The following TFPI variants were observed in gnomAD, a reference collection of about 807,000 sequenced individuals.
TFPI encodes the protein anti-convertin.
TFPI carries 15 observed loss-of-function variants against 34.6 expected under a neutral mutation model. The ratio of observed to expected loss-of-function variants is 0.43; its 90% confidence interval spans 0.29 to 0.67. The LOEUF is 0.67. TFPI is among the 30% of genes least tolerant of loss of function. The pLI, the probability that TFPI is intolerant of heterozygous loss-of-function variation, is 0.15. For synonymous variants in TFPI, 105 were observed against 120.1 expected (o/e 0.87, Z 0.82); for missense variants, 301 against 364.0 (o/e 0.83, Z 1.41).
At chr2:187,478,576 T>C (rs1234525141) in intron 6 of TFPI, 3 of 1,429,626 alleles carry the variant, frequency 2.1e-6, no homozygotes, top group Non-Finnish European at 2.8e-6. Context: ...GAGAAGACTA[T>C]GTTTACTATG....
At chr2:187,508,268 T>C (rs1301337687) in intron 1 of TFPI, among the ~76,000 whole-genome samples, 1 of 152,214 alleles carries the variant, frequency 6.6e-6, no homozygotes, top group African/African-American at 2.4e-5. Context: ...TTGCTCTTTT[T>C]GCTTAGGATT....
intron 3 of TFPI, among the ~76,000 whole-genome samples, chr2:187,489,236 G>A (rs1039106431): frequency 1.3e-4 from 20 of 151,380 alleles, no homozygotes; most frequent in Admixed American, 1.3e-3. Flanking sequence ...TGGGTTATAA[G>A]CCTCTTTCAG....
At chr2:187,516,707 A>T (rs77176227) in intron 1 of TFPI, 3 of 152,168 alleles carry the variant, frequency 2.0e-5, no homozygotes, top group African/African-American at 7.2e-5. Context: ...AATGAAATTC[A>T]CCGACAGACA....
intron 3 of TFPI, among the ~76,000 whole-genome samples, chr2:187,489,577 TATA>T (rs1221058134): frequency 2.6e-5 from 4 of 151,564 alleles, no homozygotes; most frequent in Non-Finnish European, 5.9e-5. Context: ...AATGTATACA[TATA>T]ATGAGTACAT....
chr2:187,477,789 A>C (rs1290535026), intron 6 of TFPI, among the ~76,000 whole-genome samples: 2 of 152,120 alleles, frequency 1.3e-5, no homozygotes, highest in Non-Finnish European at 2.9e-5. Context: ...GTATGCATAG[A>C]TTTTATTTTC....
At chr2:187,476,648 G>A (rs577703334) in intron 6 of TFPI, among the ~76,000 whole-genome samples, 1 of 152,048 alleles carries the variant, frequency 6.6e-6, no homozygotes, top group East Asian at 1.9e-4. Flanking sequence ...CCACCATTTT[G>A]TATTAATACT....
At chr2:187,500,383 C>A (rs1685772434) in intron 2 of TFPI, among the ~76,000 whole-genome samples, 1 of 151,938 alleles carries the variant, frequency 6.6e-6, no homozygotes, top group Non-Finnish European at 1.5e-5. Flanking sequence ...TAAAATTGAT[C>A]CTCATATGGT....
rs917843115 is a variant in TFPI at position 187,477,457 on chromosome 2, G to GT, written c.628+6666dup. 3.0e-4 allele frequency among the ~76,000 whole-genome samples: 45 copies of GT among 151,980 alleles called. No individual in the cohort carries two copies. The South Asian group carries it at 7.5e-3, about 25-fold the overall frequency. On this transcript the variant is annotated intron_variant, in intron 6 of 7. Coordinates refer to ENST00000233156, the MANE Select transcript of TFPI (RefSeq NM_006287.6). ...TGAAAGTGGACTGTGGATGAAGTGG[G>GT]TTTTTTTTGTTTGTTTGTTCGTTTT...
chr2:187,467,147 G>T, intron 7 of TFPI, 105 bp from the exon 8 acceptor site: 1 of 752,232 alleles, frequency 1.3e-6, no homozygotes, highest in Non-Finnish European at 2.1e-6. Context: ...TCCAAAAGAT[G>T]TTATTGATTT....
intron 7 of TFPI, 56 bp downstream of exon 7, chr2:187,467,697 C>G: frequency 7.2e-7 from 1 of 1,385,774 alleles, no homozygotes; most frequent in East Asian, 2.4e-5. Context: ...ATTATCATTT[C>G]AATTCAATTG....
At chr2:187,551,978 C>T (rs1050479535) in intron 1 of TFPI, among the ~76,000 whole-genome samples, 3 of 151,824 alleles carry the variant, frequency 2.0e-5, no homozygotes, top group African/African-American at 7.3e-5. Context: ...TAGATCATGT[C>T]CACATAGAAA....
chr2:187,513,321 T>C (rs1012819749), intron 1 of TFPI, among the ~76,000 whole-genome samples: 22 of 152,160 alleles, frequency 1.4e-4, no homozygotes, highest in African/African-American at 5.1e-4. Context: ...AAAGAGTCTA[T>C]AAAAATCTTA....
In TFPI at chr2:187,521,846, C is replaced by T. The variant is rs2349654; in HGVS notation, c.-2-18076G>A. Reference sequence around the variant, plus strand: ...CCTTCCAGAGTGCTGGGATTACAAGCGTGAGCCACTGCACCAGGCCCAGCA... The same window carrying T: ...CCTTCCAGAGTGCTGGGATTACAAGTGTGAGCCACTGCACCAGGCCCAGCA... On this transcript the variant is annotated intron_variant, in intron 1 of 7. Coordinates refer to ENST00000233156, the MANE Select transcript of TFPI (RefSeq NM_006287.6). Among the ~76,000 whole-genome samples, 529 of 152,186 alleles carry T rather than the reference C, an allele frequency of 3.5e-3. 10 individuals carry two copies. Among genetic ancestry groups the T allele is most frequent in the Admixed American group, 0.024 (365 of 15,288 alleles).
At chr2:187,550,341 T>C (rs1051489568) in intron 1 of TFPI, among the ~76,000 whole-genome samples, 5 of 152,120 alleles carry the variant, frequency 3.3e-5, no homozygotes, top group Non-Finnish European at 7.4e-5. Flanking sequence ...GAGCATTAAG[T>C]ATAGTACTCA....
At chr2:187,552,354 T>C (rs910634649) in intron 1 of TFPI, among the ~76,000 whole-genome samples, 2 of 152,044 alleles carry the variant, frequency 1.3e-5, no homozygotes, top group Non-Finnish European at 2.9e-5. Flanking sequence ...ACTTACCTCT[T>C]GAATTTGAAA....
chr2:187,472,117 CA>C (rs989575527), intron 6 of TFPI, among the ~76,000 whole-genome samples: 3 of 151,928 alleles, frequency 2.0e-5, no homozygotes, highest in African/African-American at 7.2e-5. Context: ...TAACCACTAC[CA>C]ATGGTTTACA....
chr2:187,526,548 G>C (rs1374599845), intron 1 of TFPI, among the ~76,000 whole-genome samples: 1 of 151,986 alleles, frequency 6.6e-6, no homozygotes, highest in Admixed American at 6.6e-5. Context: ...TCATTATTTT[G>C]GGAAAAGCAT....
At chr2:187,532,816 C>T (rs909772858) in intron 1 of TFPI, among the ~76,000 whole-genome samples, 2 of 152,138 alleles carry the variant, frequency 1.3e-5, no homozygotes, top group Non-Finnish European at 2.9e-5. Context: ...GCCCAGCAAG[C>T]TAAGATCCAC....
intron 4 of TFPI, among the ~76,000 whole-genome samples, chr2:187,485,887 T>C (rs1355938277): frequency 1.3e-5 from 2 of 151,844 alleles, no homozygotes; most frequent in East Asian, 3.9e-4. Context: ...TTGGCAAAAC[T>C]GAACTGTGGT....
Sources: gnomAD v4.1 joint callset for allele counts (sites outside exome capture counted in the v4.1 genomes callset) on GRCh38, gnomAD v4.1.1 for gene constraint, MANE v1.5 for transcripts, NCBI Gene and HGNC (gene_info 2026-07-23, HGNC 2026-07-21) for gene names.